Variants in XIRP2 observed in about 807,000 individuals in gnomAD.
The protein encoded by XIRP2 is xin actin binding repeat containing 2.
In XIRP2, 236 loss-of-function variants were observed where a neutral mutation model predicts 277.0. That is an observed-to-expected ratio of 0.85 (90% CI 0.77 to 0.95). XIRP2 has a LOEUF of 0.95. XIRP2 is among the 40% of genes least tolerant of loss of function. The pLI is 0.00. For missense variants in XIRP2, 4,640 were observed against 4,157.5 expected (o/e 1.12, Z -3.19); for synonymous variants, 1,490 against 1,416.5 (o/e 1.05, Z -1.17).
intron 2 of XIRP2, among the ~76,000 whole-genome samples, chr2:166,995,058 T>G (rs371073073): frequency 1.3e-5 from 2 of 152,048 alleles, no homozygotes; most frequent in Non-Finnish European, 2.9e-5. Context: ...ATTTTTGTAT[T>G]TTTAGTAGAG....
At chr2:167,125,622 A>G (rs6714856) in intron 2 of XIRP2, among the ~76,000 whole-genome samples, 2,490 of 152,266 alleles carry the variant, frequency 0.016, 75 homozygotes, top group African/African-American at 0.057. Context: ...ATATTCAAGG[A>G]ATGTTGGCCT....
intron 2 of XIRP2, among the ~76,000 whole-genome samples, chr2:167,062,318 C>T (rs899879591): frequency 1.3e-5 from 2 of 152,170 alleles, no homozygotes; most frequent in African/African-American, 4.8e-5. Context: ...CATTGCTAAA[C>T]ATTTAGCAGT....
At chr2:167,220,365 C>T (rs553280771) in intron 5 of XIRP2, among the ~76,000 whole-genome samples, 3 of 152,298 alleles carry the variant, frequency 2.0e-5, no homozygotes, top group African/African-American at 7.2e-5. Flanking sequence ...CTTTGTCTCT[C>T]AGTTTCCCTA....
chr2:167,235,759 T>C (rs1278697167), intron 5 of XIRP2, among the ~76,000 whole-genome samples: 2 of 151,938 alleles, frequency 1.3e-5, no homozygotes, highest in African/African-American at 2.4e-5. Context: ...AGCCTTTACA[T>C]AAAGCTCACA....
At chr2:167,131,792 A>C (rs1052538096) in intron 2 of XIRP2, among the ~76,000 whole-genome samples, 7 of 152,084 alleles carry the variant, frequency 4.6e-5, no homozygotes, top group Non-Finnish European at 1.0e-4. Context: ...GACTTAAATT[A>C]GTTGTTCAGT....
chr2:167,115,687 G>A (rs999958874), intron 2 of XIRP2, among the ~76,000 whole-genome samples: 55 of 152,182 alleles, frequency 3.6e-4, no homozygotes, highest in African/African-American at 1.1e-3. Context: ...TGACCATGGG[G>A]TTTCCTCAGG....
At chr2:166,925,838 G>A (rs1240081651) in intron 2 of XIRP2, among the ~76,000 whole-genome samples, 1 of 151,680 alleles carries the variant, frequency 6.6e-6, no homozygotes, top group Admixed American at 6.6e-5. Context: ...GGGAGGCCTA[G>A]GCAGGAGGAT....
At chr2:167,220,671 C>T (rs1407680250) in intron 5 of XIRP2, among the ~76,000 whole-genome samples, 1 of 152,134 alleles carries the variant, frequency 6.6e-6, no homozygotes. Context: ...AGGCTTATAG[C>T]ATCTTGTTGG....
At chr2:167,048,279 T>C (rs1261793729) in intron 2 of XIRP2, among the ~76,000 whole-genome samples, 1 of 151,996 alleles carries the variant, frequency 6.6e-6, no homozygotes, top group African/African-American at 2.4e-5. Context: ...GCAAAACTTG[T>C]TCTGCAAAAC....
chr2:167,067,639 C>T (rs1159464650), intron 2 of XIRP2, among the ~76,000 whole-genome samples: 1 of 150,524 alleles, frequency 6.6e-6, no homozygotes, highest in Admixed American at 6.6e-5. Flanking sequence ...GTATCTATTG[C>T]TAAAAAATGC....
intron 5 of XIRP2, among the ~76,000 whole-genome samples, chr2:167,233,458 G>A (rs1048533068): frequency 2.0e-5 from 3 of 151,802 alleles, no homozygotes; most frequent in Admixed American, 2.0e-4. Context: ...AGATAAATTA[G>A]GAGACTACTG....
In XIRP2 at chr2:167,258,165, C is replaced by T. The variant is rs768412905; in HGVS notation, c.*348C>T. The T allele has an allele frequency of 1.2e-6, 2 of 1,612,880 alleles. No individual in the cohort carries two copies. Among genetic ancestry groups the T allele is most frequent in the Admixed American group, 1.7e-5 (1 of 59,810 alleles). On this transcript the variant is annotated 3_prime_UTR_variant, in exon 11 of 11. Coordinates refer to ENST00000409195, the MANE Select transcript of XIRP2 (RefSeq NM_152381.6). ...AGGGGAAAATTAAAAGTCATTTGGC[C>T]TCCTTCCAAGGAGATCCCTAAGAAA...
In XIRP2 at chr2:167,135,924, C is replaced by G; in HGVS notation, c.424C>G (p.Arg142Gly). The G allele has an allele frequency of 6.3e-7, 1 of 1,599,560 alleles. No homozygotes were observed. The highest frequency in any genetic ancestry group is 8.5e-7 in the Non-Finnish European group (1 of 1,173,596). ...CTTGTAACAGGAAGTGGAAATTGAG[C>G]GAAGTTTGTGCTCGCCAGCTTTTAA... is the stretch of plus-strand genomic sequence containing the variant. Reference protein sequence around the residue: ...EYGGKEVEIERSLCSPAFKSH... With the variant: ...EYGGKEVEIEGSLCSPAFKSH... Residue 142 changes from arginine (R) to glycine (G), a missense_variant, in exon 3 of 11, where the codon CGA becomes GGA. Physicochemically the swap from Arg to Gly is moderately radical, Grantham distance 125. Transcript: ENST00000409195.
chr2:166,983,043 G>T (rs1686915304), intron 2 of XIRP2, among the ~76,000 whole-genome samples: 1 of 152,112 alleles, frequency 6.6e-6, no homozygotes, highest in African/African-American at 2.4e-5. Flanking sequence ...CAGTTAGGTG[G>T]CTTTTGCTGT....
At chr2:167,217,259 T>G (rs533894136) in intron 4 of XIRP2, among the ~76,000 whole-genome samples, 1 of 148,156 alleles carries the variant, frequency 6.7e-6, no homozygotes, top group East Asian at 2.0e-4. Context: ...AATGTGCACA[T>G]GTACCCTAAA....
At chr2:167,230,745 T>C (rs898235267) in intron 5 of XIRP2, among the ~76,000 whole-genome samples, 1 of 152,006 alleles carries the variant, frequency 6.6e-6, no homozygotes, top group Non-Finnish European at 1.5e-5. Flanking sequence ...TTTGACATTA[T>C]TCAACTGTAA....
intron 2 of XIRP2, among the ~76,000 whole-genome samples, chr2:167,125,216 A>C (rs1433557041): frequency 6.6e-6 from 1 of 152,128 alleles, no homozygotes; most frequent in East Asian, 1.9e-4. Flanking sequence ...GTCAATATAA[A>C]ATGTCATGAG....
At chr2:167,059,646 A>G (rs1689130755) in intron 2 of XIRP2, among the ~76,000 whole-genome samples, 1 of 152,120 alleles carries the variant, frequency 6.6e-6, no homozygotes, top group South Asian at 2.1e-4. Flanking sequence ...AGAGAACCCA[A>G]ACATAGTGAG....
At chr2:167,211,778 C>T (rs1260226822) in intron 4 of XIRP2, among the ~76,000 whole-genome samples, 1 of 152,122 alleles carries the variant, frequency 6.6e-6, no homozygotes, top group East Asian at 1.9e-4. Context: ...CTCTGCTAAA[C>T]CAATTATGAT....
Sources: gnomAD v4.1 joint callset for allele counts (sites outside exome capture counted in the v4.1 genomes callset) on GRCh38, gnomAD v4.1.1 for gene constraint, MANE v1.5 for transcripts, NCBI Gene and HGNC (gene_info 2026-07-23, HGNC 2026-07-21) for gene names.